Variants in CPSF3 observed in about 807,000 individuals in gnomAD.
CPSF3 encodes the protein cleavage and polyadenylation specificity factor subunit 3.
Under a neutral mutation model 84.1 loss-of-function variants are expected in CPSF3, and 57 were observed. The observed-to-expected ratio is 0.68, with a 90% confidence interval of 0.55 to 0.85. The LOEUF is 0.85. Among genes scored for constraint, CPSF3 ranks in the 40% least tolerant of loss-of-function variants. The pLI is 0.00. For missense variants in CPSF3, 522 were observed against 838.8 expected (o/e 0.62, Z 4.66); for synonymous variants, 275 against 278.1 (o/e 0.99, Z 0.11).
chr2:9,466,382 G>A (rs115296366), intron 15 of CPSF3, among the ~76,000 whole-genome samples: 8 of 70,728 alleles, frequency 1.1e-4, no homozygotes, highest in East Asian at 2.4e-4. Flanking sequence ...CCACGCACTC[G>A]CACACACGCG....
intron 2 of CPSF3, 50 bp downstream of exon 2, chr2:9,428,878 G>T: frequency 8.9e-7 from 1 of 1,117,440 alleles, no homozygotes; most frequent in South Asian, 1.3e-5. Flanking sequence ...TGTCTGTATT[G>T]GGTGTTAGTC....
At chr2:9,471,549 T>G (rs1682164683) in intron 17 of CPSF3, 110 bp downstream of exon 17, 1 of 688,954 alleles carries the variant, frequency 1.5e-6, no homozygotes, top group Non-Finnish European at 2.6e-6. Flanking sequence ...TGGCATTTGC[T>G]TCCAGTGTTT....
At position 9,424,204 on chromosome 2, in the gene CPSF3, A is replaced by T. The variant is rs998146081; in HGVS notation, c.50+381A>T. ...TGAAGCTTATGACCGACAGGATGAG[A>T]GGAGGACCTGAATGAGGCTACAGCC... is the stretch of plus-strand genomic sequence containing the variant. On this transcript the variant is annotated intron_variant, in intron 1 of 17. Transcript: ENST00000238112. 5 of 1,020,874 alleles carry T rather than the reference A, an allele frequency of 4.9e-6. No homozygotes were observed. In the African/African-American group the frequency reaches 8.6e-5, roughly 17 times the overall value. The allele number at this position is 1,020,874 out of a possible 1,614,324, so 63.2% of individuals were successfully genotyped here.
Position 9,430,555 on chromosome 2 carries a change from C to T in CPSF3, c.213-197C>T, listed in dbSNP as rs1680549913. Among the ~76,000 whole-genome samples, 5 of 152,170 alleles carry T rather than the reference C, an allele frequency of 3.3e-5. No homozygotes were observed. In the South Asian group the frequency reaches 1.0e-3, roughly 31 times the overall value. On this transcript the variant is annotated intron_variant, in intron 3 of 17. Transcript: ENST00000238112. ...AGTTTTTTGCTGTTTAAAAACAATA[C>T]TTTAAACATCTTTCCTCCATTTTAG...
intron 4 of CPSF3, among the ~76,000 whole-genome samples, chr2:9,431,541 T>A (rs1318750983): frequency 3.3e-5 from 3 of 91,192 alleles, no homozygotes; most frequent in African/African-American, 1.6e-4. Flanking sequence ...TTTTTTTTTC[T>A]TTTTTTTTTT....
Position 9,428,251 on chromosome 2 carries a change from C to T in CPSF3, c.51-514C>T, listed in dbSNP as rs562817434. Among the ~76,000 whole-genome samples, 6 of 151,928 alleles carry T rather than the reference C, an allele frequency of 3.9e-5. No homozygotes were observed. In the South Asian group the frequency reaches 1.2e-3, roughly 31 times the overall value. Reference sequence around the variant, plus strand: ...TGATCTCGTGATCTGCCTGCCTCGGCCTCCCAAAGTGCTGGGATTACAGGC... The same window carrying T: ...TGATCTCGTGATCTGCCTGCCTCGGTCTCCCAAAGTGCTGGGATTACAGGC... On this transcript the variant is annotated intron_variant, in intron 1 of 17. Coordinates refer to ENST00000238112, the MANE Select transcript of CPSF3 (RefSeq NM_016207.4).
chr2:9,442,108 ATAGGTAGCTAGAG>A (rs1680974408), intron 9 of CPSF3, 132 bp downstream of exon 9: 17 of 878,360 alleles, frequency 1.9e-5, no homozygotes, highest in Non-Finnish European at 2.9e-5. Context: ...GAGGACGGGA[ATAGGTAGCTAGAG>A]ATGTGCGTAG....
chr2:9,472,812 C>T, intron 17 of CPSF3, 104 bp from the exon 18 acceptor site: 1 of 832,942 alleles, frequency 1.2e-6, no homozygotes, highest in East Asian at 2.7e-5. Flanking sequence ...CCACAGCTGG[C>T]TAATTTTTTA....
chr2:9,466,304 A>G (rs13015178), intron 15 of CPSF3, among the ~76,000 whole-genome samples: 38 of 111,962 alleles, frequency 3.4e-4, no homozygotes, highest in African/African-American at 1.0e-3. Context: ...ACGCATGCAC[A>G]CGCACACTGA....
In CPSF3 at chr2:9,452,955, C is replaced by T. The variant is rs749621853; in HGVS notation, c.1438C>T (p.Arg480Trp). 14 of 1,610,822 alleles carry T rather than the reference C, an allele frequency of 8.7e-6. No homozygotes were observed. The East Asian group carries it at 1.8e-4, about 21-fold the overall frequency. ...AGACAAAAAACCAGAACAAGGCCAG[C>T]GGGTCTCAGGAATACTTGTTAAAAG... ...LADKKPEQGQ[R>W]VSGILVKRNF... Residue 480 changes from arginine (R) to tryptophan (W), a missense_variant, in exon 12 of 18, where the codon CGG becomes TGG. Arg to Trp is a moderately radical substitution (Grantham distance 101). Transcript: ENST00000238112.
Position 9,436,294 on chromosome 2 carries a change from CAG to C in CPSF3, c.696_697del (p.Gly233ArgfsTer22). ...FCNTVHDIVN[R>X]GGRGLIPVFA... ...GTAACACTGTCCACGATATTGTAAA[CAG>C]AGGAGGCAGGGGTCTCATTCCTGTC... On this transcript the variant is annotated frameshift_variant, in exon 7 of 18. Transcript: ENST00000238112. LOFTEE classifies it high-confidence loss of function. 1.9e-6 allele frequency: 3 copies of C among 1,613,950 alleles called. No individual in the cohort carries two copies. Among genetic ancestry groups the C allele is most frequent in the Non-Finnish European group, 2.5e-6 (3 of 1,179,890 alleles).
intron 12 of CPSF3, among the ~76,000 whole-genome samples, chr2:9,455,345 A>C (rs1250983163): frequency 6.6e-6 from 1 of 152,054 alleles, no homozygotes; most frequent in Non-Finnish European, 1.5e-5. Flanking sequence ...AATCTTGGCC[A>C]GGCTGGTCTT....
intron 15 of CPSF3, among the ~76,000 whole-genome samples, chr2:9,467,443 A>G (rs980262597): frequency 2.6e-5 from 4 of 152,158 alleles, no homozygotes; most frequent in African/African-American, 9.7e-5. Flanking sequence ...GTGGTTCTTT[A>G]ATAAGAACAT....
chr2:9,430,085 T>A, intron 3 of CPSF3, 65 bp downstream of exon 3: 1 of 989,638 alleles, frequency 1.0e-6, no homozygotes, highest in Non-Finnish European at 1.5e-6. Flanking sequence ...CATTCTTTAC[T>A]AGATTTTGAG....
In CPSF3 at chr2:9,473,032, A is replaced by G. The variant is rs887433139; in HGVS notation, c.*15A>G. 4 of 1,577,066 alleles carry G rather than the reference A, an allele frequency of 2.5e-6. No individual in the cohort carries two copies. In the South Asian group the frequency reaches 3.3e-5, roughly 13 times the overall value. ...CAGTTCACTGAGACTGTGCCTGTAT[A>G]TGAACTTTGAAAAAATACTTGACTC... On this transcript the variant is annotated 3_prime_UTR_variant, in exon 18 of 18. Coordinates refer to ENST00000238112, the MANE Select transcript of CPSF3 (RefSeq NM_016207.4).
intron 15 of CPSF3, among the ~76,000 whole-genome samples, chr2:9,460,839 C>T (rs1024859479): frequency 2.0e-4 from 31 of 152,006 alleles, no homozygotes; most frequent in African/African-American, 7.3e-4. Flanking sequence ...TGTGAGTCTC[C>T]GGCATATGGA....
chr2:9,438,969 A>G (rs1451400060), intron 7 of CPSF3, among the ~76,000 whole-genome samples: 3 of 152,186 alleles, frequency 2.0e-5, no homozygotes, highest in Admixed American at 6.5e-5. Flanking sequence ...ACTTTTTTTA[A>G]TATTCAGAGT....
intron 1 of CPSF3, among the ~76,000 whole-genome samples, chr2:9,427,883 T>A (rs190766023): frequency 1.3e-5 from 2 of 152,022 alleles, no homozygotes; most frequent in Non-Finnish European, 2.9e-5. Context: ...CTGAAATTAT[T>A]AAGAAGAAAC....
At chr2:9,451,663 A>G (rs1025809729) in intron 11 of CPSF3, among the ~76,000 whole-genome samples, 1 of 151,956 alleles carries the variant, frequency 6.6e-6, no homozygotes, top group Admixed American at 6.6e-5. Flanking sequence ...GCACCACTGC[A>G]TTCCAGCCTG....
Sources: gnomAD v4.1 joint callset for allele counts (sites outside exome capture counted in the v4.1 genomes callset) on GRCh38, gnomAD v4.1.1 for gene constraint, MANE v1.5 for transcripts, NCBI Gene and HGNC (gene_info 2026-07-23, HGNC 2026-07-21) for gene names.